Variants in NOS1 observed in about 807,000 individuals in gnomAD.
NOS1 encodes nitric oxide synthase 1.
Under a neutral mutation model 164.5 loss-of-function variants are expected in NOS1, and 51 were observed. The observed-to-expected ratio is 0.31, with a 90% CI of 0.25 to 0.39. The LOEUF (loss-of-function observed/expected upper bound fraction) is 0.39. Ranked by LOEUF, NOS1 falls within the 10% of genes least tolerant of loss-of-function variation. NOS1 has a pLI of 1.00. For synonymous variants in NOS1, 719 were observed against 745.8 expected (o/e 0.96, Z 0.59); for missense variants, 1,362 against 1,885.6 (o/e 0.72, Z 5.14).
At position 117,258,555 on chromosome 12, in the gene NOS1, T is replaced by G. The variant is rs1441126604; in HGVS notation, c.2473-100A>C. 5 of 1,227,008 alleles carry G rather than the reference T, an allele frequency of 4.1e-6. No individual in the cohort carries two copies. The African/African-American group carries it at 5.9e-5, about 14-fold the overall frequency. 76.0% of individuals were successfully genotyped at this position (1,227,008 alleles called of 1,614,324 possible). ...GGGTCCTGGCTGTCAAAGAGGAGACTGATGCCCGGAGGCCAGGATGTCAGG... is the reference window on the plus strand; with the variant it reads ...GGGTCCTGGCTGTCAAAGAGGAGACGGATGCCCGGAGGCCAGGATGTCAGG... On this transcript the variant is annotated intron_variant, in intron 15 of 28. Transcript: ENST00000317775.
At chr12:117,322,681 T>C (rs1183984461) in intron 2 of NOS1, among the ~76,000 whole-genome samples, 4 of 110,848 alleles carry the variant, frequency 3.6e-5, no homozygotes, top group African/African-American at 3.6e-5. Flanking sequence ...CTGCTTCCTT[T>C]CTTCCTTCCT....
intron 2 of NOS1, among the ~76,000 whole-genome samples, chr12:117,314,120 T>G (rs913120940): frequency 7.9e-5 from 12 of 152,218 alleles, no homozygotes; most frequent in African/African-American, 2.9e-4. Context: ...TTCCATGCTG[T>G]CCCTGTGGCC....
intron 1 of NOS1, among the ~76,000 whole-genome samples, chr12:117,334,891 A>C (rs143023875): frequency 6.6e-6 from 1 of 152,148 alleles, no homozygotes; most frequent in Non-Finnish European, 1.5e-5. Context: ...TCCAGTTTCC[A>C]TGAGGCTCCG....
rs535705090 is a variant in NOS1 at position 117,321,984 on chromosome 12, C to T, written c.725+8361G>A. Reference sequence around the variant, plus strand: ...TCTCTCCTTCCTTCCCTCCTTCTCTCCTTCCTTCCCTCCCTCTCTCCTTCC... The same window carrying T: ...TCTCTCCTTCCTTCCCTCCTTCTCTTCTTCCTTCCCTCCCTCTCTCCTTCC... On this transcript the variant is annotated intron_variant, in intron 2 of 28. Transcript: ENST00000317775. Among the ~76,000 whole-genome samples, 160 of 51,332 alleles carry T rather than the reference C, an allele frequency of 3.1e-3. 4 individuals are homozygous for T. The highest frequency in any genetic ancestry group is 0.011 in the African/African-American group (147 of 12,882). 33.7% of individuals were successfully genotyped at this position (51,332 alleles called of 152,430 possible). A position where few individuals can be genotyped will look rare whatever the true frequency, so the allele number is the denominator to read the frequency against.
At chr12:117,228,862 G>A (rs1490529484) in intron 22 of NOS1, among the ~76,000 whole-genome samples, 1 of 152,004 alleles carries the variant, frequency 6.6e-6, no homozygotes, top group Non-Finnish European at 1.5e-5. Flanking sequence ...CTCACTGTAA[G>A]CTCCGCCTCC....
At position 117,331,049 on chromosome 12, in the gene NOS1, A is replaced by G. The variant is rs925206463; in HGVS notation, c.21T>C (p.Gly7=). Residue 7 remains glycine, a synonymous_variant, in exon 2 of 29, where the codon GGT becomes GGC. Transcript: ENST00000317775. ...TGACATTGGGCTGGATTTGCTGAAC[A>G]CCGAACATGTGATCCTCCATGGTAA... MEDHMF[G]VQQIQPNVIS... is the part of the protein sequence containing the mutation. 3.1e-6 allele frequency: 5 copies of G among 1,612,132 alleles called. No individual in the cohort carries two copies. The African/African-American group carries it at 5.3e-5, about 17-fold the overall frequency.
At chr12:117,355,069 G>A (rs1041073716) in intron 1 of NOS1, among the ~76,000 whole-genome samples, 23 of 152,140 alleles carry the variant, frequency 1.5e-4, no homozygotes, top group Non-Finnish European at 2.8e-4. Context: ...AGAGATTCTC[G>A]AGTATTATTT....
rs548279729 is a variant in NOS1, at chr12:117,267,934, G to A, written c.1941+109C>T. On this transcript the variant is annotated intron_variant, in intron 11 of 28. Transcript: ENST00000317775. ...GACCATACTCATGGACACAATCCCC[G>A]CAAAGGTGGTTTCTGGCAGTGAGGT... 43 of 730,014 alleles carry A rather than the reference G, an allele frequency of 5.9e-5. 1 individual carries two copies. The South Asian group carries it at 6.1e-4, about 10-fold the overall frequency. The allele number at this position is 730,014 out of a possible 1,614,324, so 45.2% of individuals were successfully genotyped here. A position where few individuals can be genotyped will look rare whatever the true frequency, so the allele number is the denominator to read the frequency against.
chr12:117,341,482 C>T (rs1292453511), intron 1 of NOS1, among the ~76,000 whole-genome samples: 1 of 152,144 alleles, frequency 6.6e-6, no homozygotes, highest in Non-Finnish European at 1.5e-5. Flanking sequence ...ATTTCAGCTT[C>T]GTTTTGCAGA....
intron 28 of NOS1, among the ~76,000 whole-genome samples, chr12:117,217,037 G>A (rs1956622718): frequency 6.6e-6 from 1 of 152,166 alleles, no homozygotes; most frequent in African/African-American, 2.4e-5. Context: ...GCACTGGGAA[G>A]TGAAATTACG....
intron 8 of NOS1, among the ~76,000 whole-genome samples, chr12:117,279,953 A>AG (rs1873499059): frequency 6.6e-6 from 1 of 152,122 alleles, no homozygotes; most frequent in East Asian, 1.9e-4. Flanking sequence ...ACCACCCGGG[A>AG]GGGGCTTGAG....
chr12:117,327,373 T>C (rs1875306125), intron 2 of NOS1, among the ~76,000 whole-genome samples: 1 of 152,168 alleles, frequency 6.6e-6, no homozygotes, highest in Non-Finnish European at 1.5e-5. Context: ...GGCCAATGCC[T>C]TCCGTTCTGG....
intron 25 of NOS1, among the ~76,000 whole-genome samples, chr12:117,223,979 C>G (rs1868420753): frequency 6.6e-6 from 1 of 152,122 alleles, no homozygotes; most frequent in Non-Finnish European, 1.5e-5. Context: ...TTCTAAGCCT[C>G]TGCTTCCCTA....
intron 3 of NOS1, among the ~76,000 whole-genome samples, chr12:117,297,365 G>C (rs187600193): frequency 4.2e-4 from 64 of 152,308 alleles, no homozygotes; most frequent in South Asian, 2.5e-3. Context: ...AAAGGATAAA[G>C]TAAACATGGA....
In NOS1 at chr12:117,212,724, C is replaced by A. The variant is rs1956547238; in HGVS notation, c.*2585G>T. On this transcript the variant is annotated 3_prime_UTR_variant, in exon 29 of 29. Coordinates refer to ENST00000317775, the MANE Select transcript of NOS1 (RefSeq NM_000620.5). ...TTACCCATTGCTTAATTCTATTTTG[C>A]ACTTAAACGGTTGGCTACGAGGCCT... 1.0e-6 allele frequency: 1 copy of A among 985,398 alleles called. No individual in the cohort carries two copies. Among genetic ancestry groups the A allele is most frequent in the Non-Finnish European group, 1.2e-6 (1 of 829,932 alleles). The allele number at this position is 985,398 out of a possible 1,614,324, so 61.0% of individuals were successfully genotyped here.
chr12:117,354,845 G>A (rs1876788042), intron 1 of NOS1, among the ~76,000 whole-genome samples: 1 of 152,206 alleles, frequency 6.6e-6, no homozygotes, highest in Non-Finnish European at 1.5e-5. Flanking sequence ...GGTTGTGTTT[G>A]TTAAATGAAG....
chr12:117,210,158 T>A lies in NOS1; in HGVS notation c.*5151A>T. The A allele has an allele frequency of 6.0e-6, 3 of 501,488 alleles. No individual in the cohort carries two copies. Among genetic ancestry groups the A allele is most frequent in the Non-Finnish European group, 7.7e-6 (3 of 389,598 alleles). The allele number at this position is 501,488 out of a possible 1,614,324, so 31.1% of individuals were successfully genotyped here. On this transcript the variant is annotated 3_prime_UTR_variant, in exon 29 of 29. Coordinates refer to ENST00000317775, the MANE Select transcript of NOS1 (RefSeq NM_000620.5). Reference sequence around the variant, plus strand: ...CAGCTAATTTTTTTTTTTTTTTTTTTTTAGTAGAGACGAGATTGCGCTGTG... The same window carrying A: ...CAGCTAATTTTTTTTTTTTTTTTTTATTAGTAGAGACGAGATTGCGCTGTG...
Position 117,209,574 on chromosome 12 carries a change from C to G in NOS1, c.*5735G>C, listed in dbSNP as rs1424736953. On this transcript the variant is annotated 3_prime_UTR_variant, in exon 29 of 29. Coordinates refer to ENST00000317775, the MANE Select transcript of NOS1 (RefSeq NM_000620.5). ...TGTGTTTTGGGCCAGACGGGCATAGCCCCGCTTGACCAGAACTGTTTGGGT... is the reference window on the plus strand; with the variant it reads ...TGTGTTTTGGGCCAGACGGGCATAGGCCCGCTTGACCAGAACTGTTTGGGT... 2.4e-5 allele frequency: 24 copies of G among 985,382 alleles called. No individual in the cohort carries two copies. The highest frequency in any genetic ancestry group is 2.8e-5 in the Non-Finnish European group (23 of 829,956). 61.0% of individuals were successfully genotyped at this position (985,382 alleles called of 1,614,324 possible). A position where few individuals can be genotyped will look rare whatever the true frequency, so the allele number is the denominator to read the frequency against.
Position 117,209,104 on chromosome 12 carries a change from A to G in NOS1, c.*6205T>C. 1.0e-6 allele frequency: 1 copy of G among 985,386 alleles called. No homozygotes were observed. 61.0% of individuals were successfully genotyped at this position (985,386 alleles called of 1,614,324 possible). On this transcript the variant is annotated 3_prime_UTR_variant, in exon 29 of 29. Coordinates refer to ENST00000317775, the MANE Select transcript of NOS1 (RefSeq NM_000620.5). The stretch of plus-strand genomic sequence containing the variant: ...TCAAATCCCACTTTGGCAGCAGATA[A>G]TGGAAACAACCACTGGGCTAGGCAA...
Sources: allele counts gnomAD v4.1 joint callset (sites outside exome capture counted in the v4.1 genomes callset), GRCh38; gene constraint gnomAD v4.1.1; transcripts MANE v1.5; gene names NCBI Gene and HGNC (gene_info 2026-07-23, HGNC 2026-07-21).